Variants in FAR2 observed in about 807,000 individuals in gnomAD.
FAR2 encodes epididymis secretory protein Li 81.
Under a neutral mutation model 56.0 loss-of-function variants are expected in FAR2, and 19 were observed. That is an observed-to-expected ratio of 0.34 (90% CI 0.24 to 0.50). The LOEUF is 0.50. Ranked by LOEUF, FAR2 falls within the 20% of genes least tolerant of loss-of-function variation. The probability of loss-of-function intolerance (pLI) is 0.98; values close to 1 mark genes in which losing one functional copy is unlikely to be tolerated. For synonymous variants in FAR2, 219 were observed against 218.8 expected (o/e 1.00, Z -0.01); for missense variants, 508 against 642.2 (o/e 0.79, Z 2.26).
At chr12:29,308,789 AT>A (rs1487541850) in intron 5 of FAR2, among the ~76,000 whole-genome samples, 2 of 151,474 alleles carry the variant, frequency 1.3e-5, no homozygotes, top group African/African-American at 4.9e-5. Context: ...GAAATGGGCC[AT>A]TAACACAAAT....
At chr12:29,308,990 A>G (rs1335317127) in intron 5 of FAR2, among the ~76,000 whole-genome samples, 196 bp from the exon 6 acceptor site, 1 of 152,160 alleles carries the variant, frequency 6.6e-6, no homozygotes, top group Non-Finnish European at 1.5e-5. Context: ...TAATTTTTGC[A>G]CAGTCAAATA....
intron 1 of FAR2, among the ~76,000 whole-genome samples, chr12:29,175,050 C>T (rs912376017): frequency 1.3e-5 from 2 of 152,218 alleles, no homozygotes; most frequent in African/African-American, 4.8e-5. Flanking sequence ...GAAAGCCTGA[C>T]ACTCATGTCT....
intron 1 of FAR2, among the ~76,000 whole-genome samples, 159 bp from the exon 2 acceptor site, chr12:29,270,253 T>C (rs1275946992): frequency 6.6e-6 from 1 of 152,220 alleles, no homozygotes; most frequent in South Asian, 2.1e-4. Flanking sequence ...TAAATATTGA[T>C]TGGAATGAGT....
chr12:29,208,998 A>C (rs1947510506), intron 1 of FAR2, among the ~76,000 whole-genome samples: 1 of 152,118 alleles, frequency 6.6e-6, no homozygotes. Context: ...ACTACTCAAA[A>C]GGGAGAACGA....
rs534531586 is a variant in FAR2, at chr12:29,153,186, A to C, written c.-39+3779A>C. On this transcript the variant is annotated intron_variant, in intron 1 of 11. Transcript: ENST00000536681. ...GACATTTACAAAATAAACATGTAGG[A>C]ATACATTGTGGGAAGTAGCGTGGAG... Among the ~76,000 whole-genome samples the C allele has an allele frequency of 1.1e-4, 17 of 152,342 alleles. No individual in the cohort carries two copies. In the South Asian group the frequency reaches 2.7e-3, roughly 24 times the overall value.
chr12:29,249,906 T>C (rs1948180680), intron 1 of FAR2, among the ~76,000 whole-genome samples: 1 of 152,194 alleles, frequency 6.6e-6, no homozygotes, highest in Non-Finnish European at 1.5e-5. Flanking sequence ...TCAGTGGGAA[T>C]GTTCATTAAA....
chr12:29,316,135 C>A (rs985756276), intron 8 of FAR2, among the ~76,000 whole-genome samples: 1 of 150,946 alleles, frequency 6.6e-6, no homozygotes. Flanking sequence ...GAATAATGAG[C>A]TTAGGCATAT....
At chr12:29,168,240 C>T (rs561947574) in intron 1 of FAR2, among the ~76,000 whole-genome samples, 3 of 152,148 alleles carry the variant, frequency 2.0e-5, no homozygotes, top group Admixed American at 6.5e-5. Flanking sequence ...ATTAGATGAA[C>T]CTTTGCCTTT....
intron 10 of FAR2, among the ~76,000 whole-genome samples, chr12:29,322,952 T>A (rs551331330): frequency 8.5e-5 from 13 of 152,332 alleles, no homozygotes; most frequent in African/African-American, 3.1e-4. Context: ...CTGCACCCAC[T>A]GTCCGGCACT....
At chr12:29,206,143 C>T (rs1947476135) in intron 1 of FAR2, among the ~76,000 whole-genome samples, 2 of 152,276 alleles carry the variant, frequency 1.3e-5, no homozygotes, top group South Asian at 2.1e-4. Context: ...GGATGAGGAC[C>T]ACCCAAAGAT....
At chr12:29,258,190 A>AG (rs1948358830) in intron 1 of FAR2, among the ~76,000 whole-genome samples, 1 of 151,620 alleles carries the variant, frequency 6.6e-6, no homozygotes, top group Non-Finnish European at 1.5e-5. Context: ...CTTAAAAAAA[A>AG]AAAAAAATGC....
chr12:29,169,224 A>T (rs1338055923), intron 1 of FAR2, among the ~76,000 whole-genome samples: 1 of 152,224 alleles, frequency 6.6e-6, no homozygotes, highest in East Asian at 1.9e-4. Context: ...TGACCACTGT[A>T]GCTACTTCCT....
At chr12:29,290,324 T>C (rs1328538715) in intron 2 of FAR2, among the ~76,000 whole-genome samples, 1 of 151,948 alleles carries the variant, frequency 6.6e-6, no homozygotes, top group East Asian at 1.9e-4. Context: ...TGCATACTTG[T>C]AATCCCAGCT....
chr12:29,208,151 G>GA (rs1947498212), intron 1 of FAR2, among the ~76,000 whole-genome samples: 1 of 152,222 alleles, frequency 6.6e-6, no homozygotes, highest in South Asian at 2.1e-4. Flanking sequence ...TTTCCTAGCT[G>GA]GGCAAGAGCT....
intron 1 of FAR2, among the ~76,000 whole-genome samples, chr12:29,188,444 T>TA (rs1950065799): frequency 6.6e-6 from 1 of 152,094 alleles, no homozygotes; most frequent in Admixed American, 6.5e-5. Context: ...AAGATGAACT[T>TA]AGGGATAATT....
At chr12:29,253,369 A>G (rs1223607976) in intron 1 of FAR2, among the ~76,000 whole-genome samples, 2 of 148,856 alleles carry the variant, frequency 1.3e-5, no homozygotes, top group African/African-American at 4.9e-5. Flanking sequence ...ACAGATATCT[A>G]TCTATCTAGA....
chr12:29,257,612 A>C (rs1422061492), intron 1 of FAR2, among the ~76,000 whole-genome samples: 2 of 151,598 alleles, frequency 1.3e-5, no homozygotes, highest in African/African-American at 4.9e-5. Context: ...CTGCAGCTTC[A>C]CTCCTGAAGC....
chr12:29,168,846 G>A (rs1949857434), intron 1 of FAR2, among the ~76,000 whole-genome samples: 1 of 152,220 alleles, frequency 6.6e-6, no homozygotes, highest in Non-Finnish European at 1.5e-5. Flanking sequence ...TGCTGCTGCT[G>A]GCTGGGGTGG....
intron 2 of FAR2, among the ~76,000 whole-genome samples, chr12:29,278,626 G>C (rs935656925): frequency 1.3e-5 from 2 of 152,040 alleles, no homozygotes; most frequent in Non-Finnish European, 2.9e-5. Flanking sequence ...GGGACTACAG[G>C]CATGAGCCAC....
Sources: gnomAD v4.1 joint callset for allele counts (sites outside exome capture counted in the v4.1 genomes callset) on GRCh38, gnomAD v4.1.1 for gene constraint, MANE v1.5 for transcripts, NCBI Gene and HGNC (gene_info 2026-07-23, HGNC 2026-07-21) for gene names.